The following TRIM27 variants were observed in gnomAD, a reference collection of about 807,000 sequenced individuals.
TRIM27 encodes the protein tripartite motif containing 27.
A neutral mutation model predicts 57.6 loss-of-function variants in TRIM27; 12 were observed. That is an observed-to-expected ratio of 0.21 (90% confidence interval 0.13 to 0.34). The LOEUF (loss-of-function observed/expected upper bound fraction) is 0.34, where lower values mean the gene tolerates loss of function less well. TRIM27 is among the 10% of genes least tolerant of loss of function. The probability of loss-of-function intolerance (pLI) is 1.00; values close to 1 mark genes in which losing one functional copy is unlikely to be tolerated. For missense variants in TRIM27, 403 were observed against 656.8 expected (o/e 0.61, Z 4.22); for synonymous variants, 266 against 259.0 (o/e 1.03, Z -0.26).
At chr6:28,917,039 G>A (rs1311726802) in intron 3 of TRIM27, among the ~76,000 whole-genome samples, 1 of 152,094 alleles carries the variant, frequency 6.6e-6, no homozygotes, top group African/African-American at 2.4e-5. Flanking sequence ...CTACTTGGGA[G>A]GCTGAGGTGG....
chr6:28,908,719 A>G, intron 6 of TRIM27, 89 bp downstream of exon 6: 1 of 1,290,126 alleles, frequency 7.8e-7, no homozygotes, highest in East Asian at 2.4e-5. Flanking sequence ...AATGGGTATC[A>G]CCCTTATCCC....
At position 28,909,098 on chromosome 6, in the gene TRIM27, A is replaced by G. The variant is rs766381871; in HGVS notation, c.771-10T>C. On this transcript the variant is annotated splice_polypyrimidine_tract_variant and intron_variant, in intron 4 of 7. Coordinates refer to ENST00000377199, the MANE Select transcript of TRIM27 (RefSeq NM_006510.5). Reference sequence around the variant, plus strand: ...CCTGATTCTTTCAGCCCTAAATTTAAAAAACATGAGTAAATTTTTTTTTTT... The same window carrying G: ...CCTGATTCTTTCAGCCCTAAATTTAGAAAACATGAGTAAATTTTTTTTTTT... 6.3e-7 allele frequency: 1 copy of G among 1,588,548 alleles called. No homozygotes were observed. Among genetic ancestry groups the G allele is most frequent in the South Asian group, 1.2e-5 (1 of 86,426 alleles).
At chr6:28,914,087 T>C (rs1773420962) in intron 3 of TRIM27, among the ~76,000 whole-genome samples, 1 of 148,708 alleles carries the variant, frequency 6.7e-6, no homozygotes, top group Non-Finnish European at 1.5e-5. Flanking sequence ...AGTGGTGCAA[T>C]CATAGCTCAC....
chr6:28,918,926 A>G (rs1773819289), intron 3 of TRIM27, among the ~76,000 whole-genome samples: 1 of 152,090 alleles, frequency 6.6e-6, no homozygotes, highest in South Asian at 2.1e-4. Flanking sequence ...AACCATACTT[A>G]TTGCCCAGGA....
intron 3 of TRIM27, among the ~76,000 whole-genome samples, chr6:28,919,470 C>T (rs1183974099): frequency 2.0e-5 from 3 of 152,186 alleles, no homozygotes; most frequent in African/African-American, 4.8e-5. Flanking sequence ...AATGAGCAAA[C>T]GACAGACAGG....
chr6:28,920,588 T>C (rs751755946), intron 2 of TRIM27, among the ~76,000 whole-genome samples: 1 of 152,138 alleles, frequency 6.6e-6, no homozygotes, highest in Non-Finnish European at 1.5e-5. Context: ...GTTCATGTGA[T>C]GAACAAGAAT....
At chr6:28,905,588 ACT>A (rs1404175362) in intron 7 of TRIM27, 2 of 152,378 alleles carry the variant, frequency 1.3e-5, no homozygotes. Context: ...ATGAGGTCTC[ACT>A]CTGTCACCCA....
chr6:28,910,146 G>GAAAAAAAAAAAA (rs1773089392), intron 4 of TRIM27, among the ~76,000 whole-genome samples: 1 of 101,288 alleles, frequency 9.9e-6, no homozygotes, highest in Non-Finnish European at 2.1e-5. Flanking sequence ...AAAAAAAAAC[G>GAAAAAAAAAAAA]AAGAAAAAAA....
rs1581516772 is a variant in TRIM27 at position 28,920,305 on chromosome 6, T to C, written c.517-63A>G. 6 of 1,408,916 alleles carry C rather than the reference T, an allele frequency of 4.3e-6. No individual in the cohort carries two copies. In the East Asian group the frequency reaches 1.1e-4, roughly 27 times the overall value. The allele number at this position is 1,408,916 out of a possible 1,614,324, so 87.3% of individuals were successfully genotyped here. A position where few individuals can be genotyped will look rare whatever the true frequency, so the allele number is the denominator to read the frequency against. On this transcript the variant is annotated intron_variant, in intron 2 of 7. Transcript: ENST00000377199. ...CGGCTCATTTCTAGGGCCTTCATAG[T>C]TCTCCTGTGACCATGTAGCCCAAGA... is the stretch of plus-strand genomic sequence containing the variant.
chr6:28,909,502 G>A (rs756769753), intron 4 of TRIM27, among the ~76,000 whole-genome samples: 3 of 152,160 alleles, frequency 2.0e-5, no homozygotes, highest in Admixed American at 6.5e-5. Context: ...TTTAAAATCA[G>A]CCACTACAGC....
chr6:28,910,738 C>A (rs1773140902), intron 4 of TRIM27, among the ~76,000 whole-genome samples: 1 of 152,182 alleles, frequency 6.6e-6, no homozygotes, highest in Non-Finnish European at 1.5e-5. Context: ...GGGTCTGAGG[C>A]AGCTAACTCT....
At chr6:28,921,769 G>T (rs1349337676) in intron 2 of TRIM27, 123 bp downstream of exon 2, 5 of 786,014 alleles carry the variant, frequency 6.4e-6, no homozygotes, top group Non-Finnish European at 1.1e-5. Context: ...TGCCATGTGC[G>T]GTTGATCCAC....
At chr6:28,915,461 T>C (rs564734318) in intron 3 of TRIM27, among the ~76,000 whole-genome samples, 1 of 152,036 alleles carries the variant, frequency 6.6e-6, no homozygotes, top group East Asian at 1.9e-4. Context: ...ATACAAAAAT[T>C]AGCTAGGTGT....
chr6:28,916,740 T>A (rs559930812), intron 3 of TRIM27, among the ~76,000 whole-genome samples: 1 of 152,102 alleles, frequency 6.6e-6, no homozygotes, highest in Non-Finnish European at 1.5e-5. Flanking sequence ...CAGACAGTGG[T>A]TGATAATTTA....
At chr6:28,919,933 G>A (rs1773896895) in intron 3 of TRIM27, 79 bp downstream of exon 3, 3 of 1,346,992 alleles carry the variant, frequency 2.2e-6, no homozygotes, top group East Asian at 2.3e-5. Context: ...AAGACAGGGG[G>A]TCCTGGATAC....
At chr6:28,911,810 T>C (rs1216343786) in intron 3 of TRIM27, 92 bp from the exon 4 acceptor site, 2 of 1,213,070 alleles carry the variant, frequency 1.6e-6, no homozygotes, top group Non-Finnish European at 2.4e-6. Context: ...AACTACAGAC[T>C]GGCTCTCATG....
rs2150493676 is a variant in TRIM27 at position 28,921,912 on chromosome 6, G to C, written c.496C>G (p.Gln166Glu). Residue 166 changes from glutamine to glutamate, a missense_variant, in exon 2 of 8, where the codon CAG becomes GAG. Coordinates refer to ENST00000377199, the MANE Select transcript of TRIM27 (RefSeq NM_006510.5). The stretch of plus-strand genomic sequence containing the variant: ...CTTACCAAGAGTTCAGCTCGTGCCT[G>C]TTCCCCCTGGGCCCGACGTCTCTTC... ...LKKRRRAQGE[Q>E]ARAELLSLTQ... 6.2e-7 allele frequency: 1 copy of C among 1,612,928 alleles called. No homozygotes were observed. Among genetic ancestry groups the C allele is most frequent in the African/African-American group, 1.3e-5 (1 of 75,060 alleles).
At chr6:28,909,785 T>C (rs963907404) in intron 4 of TRIM27, among the ~76,000 whole-genome samples, 2 of 152,140 alleles carry the variant, frequency 1.3e-5, no homozygotes, top group African/African-American at 2.4e-5. Context: ...TGGGGGACAT[T>C]ACCCAATTCC....
At chr6:28,908,763 T>C (rs1205704772) in intron 6 of TRIM27, 45 bp downstream of exon 6, 4 of 1,604,068 alleles carry the variant, frequency 2.5e-6, no homozygotes, top group Admixed American at 3.3e-5. Flanking sequence ...TGTTCTTTTT[T>C]CCAAGCAACT....
Sources: allele counts gnomAD v4.1 joint callset (sites outside exome capture counted in the v4.1 genomes callset), GRCh38; gene constraint gnomAD v4.1.1; transcripts MANE v1.5; gene names NCBI Gene and HGNC (gene_info 2026-07-23, HGNC 2026-07-21).